The following NOS1AP variants were observed in gnomAD, a reference collection of about 807,000 sequenced individuals.
NOS1AP encodes nitric oxide synthase 1 adaptor protein.
In NOS1AP, 21 loss-of-function variants were observed where a neutral mutation model predicts 56.2. The ratio of observed to expected loss-of-function variants is 0.37; its 90% CI spans 0.26 to 0.54. The LOEUF is 0.54. Ranked by LOEUF, NOS1AP falls within the 20% of genes least tolerant of loss-of-function variation. The pLI is 0.84. For missense variants in NOS1AP, 522 were observed against 657.8 expected (o/e 0.79, Z 2.26); for synonymous variants, 270 against 274.6 (o/e 0.98, Z 0.17).
intron 3 of NOS1AP, among the ~76,000 whole-genome samples, chr1:162,294,610 TA>T (rs1010170715): frequency 2.6e-5 from 4 of 152,112 alleles, no homozygotes; most frequent in Non-Finnish European, 1.5e-5. Context: ...CGCTGACTTT[TA>T]AAAATACCCT....
intron 2 of NOS1AP, among the ~76,000 whole-genome samples, chr1:162,285,940 C>G (rs908230484): frequency 1.3e-5 from 2 of 152,182 alleles, no homozygotes; most frequent in African/African-American, 4.8e-5. Context: ...AGAAGGATCT[C>G]TTACCTCAGT....
intron 2 of NOS1AP, among the ~76,000 whole-genome samples, chr1:162,284,293 T>C (rs1655023042): frequency 6.6e-6 from 1 of 152,258 alleles, no homozygotes; most frequent in Non-Finnish European, 1.5e-5. Flanking sequence ...TTTATTTTCC[T>C]AGTTTCCAAC....
At chr1:162,263,728 A>G (rs865962386) in intron 2 of NOS1AP, among the ~76,000 whole-genome samples, 1 of 152,162 alleles carries the variant, frequency 6.6e-6, no homozygotes, top group African/African-American at 2.4e-5. Flanking sequence ...TTCTAATTAT[A>G]TGCCCACTGC....
intron 4 of NOS1AP, 85 bp downstream of exon 4, chr1:162,300,791 C>T (rs1655625002): frequency 2.6e-6 from 3 of 1,168,774 alleles, no homozygotes; most frequent in African/African-American, 1.5e-5. Flanking sequence ...CTGGTGGATC[C>T]AGGCAAATTT....
intron 2 of NOS1AP, among the ~76,000 whole-genome samples, chr1:162,285,702 G>A (rs1019437712): frequency 4.6e-5 from 7 of 152,228 alleles, no homozygotes; most frequent in Middle Eastern, 3.4e-3. Flanking sequence ...GTTGGCCTGG[G>A]GTTCCTGGGC....
intron 4 of NOS1AP, among the ~76,000 whole-genome samples, chr1:162,308,959 T>TA (rs1051194219): frequency 6.6e-6 from 1 of 152,242 alleles, no homozygotes; most frequent in African/African-American, 2.4e-5. Flanking sequence ...GCTGCATGGT[T>TA]AGAGAGCTGT....
At chr1:162,312,216 C>T (rs1656058674) in intron 4 of NOS1AP, among the ~76,000 whole-genome samples, 3 of 143,238 alleles carry the variant, frequency 2.1e-5, no homozygotes. Flanking sequence ...AAAAGTGTTC[C>T]TATTTCTCCA....
chr1:162,357,779 G>T (rs946922550), intron 8 of NOS1AP, among the ~76,000 whole-genome samples: 1 of 151,970 alleles, frequency 6.6e-6, no homozygotes, highest in Non-Finnish European at 1.5e-5. Flanking sequence ...CAAAAAACTT[G>T]TTCGGGGGCT....
At chr1:162,181,369 A>C (rs1184244752) in intron 2 of NOS1AP, among the ~76,000 whole-genome samples, 2 of 152,242 alleles carry the variant, frequency 1.3e-5, no homozygotes, top group Admixed American at 6.5e-5. Context: ...TCATGTTATT[A>C]TGTAGTGATG....
intron 6 of NOS1AP, among the ~76,000 whole-genome samples, chr1:162,347,141 A>C (rs560746934): frequency 1.5e-4 from 23 of 152,234 alleles, no homozygotes; most frequent in African/African-American, 5.3e-4. Context: ...ACAGAAACCA[A>C]TCTGCTCATT....
At chr1:162,306,336 T>C (rs1254339204) in intron 4 of NOS1AP, among the ~76,000 whole-genome samples, 1 of 152,190 alleles carries the variant, frequency 6.6e-6, no homozygotes, top group African/African-American at 2.4e-5. Context: ...GAGAGCTTGA[T>C]GCCAAGCTAG....
intron 4 of NOS1AP, among the ~76,000 whole-genome samples, chr1:162,325,203 G>C (rs1323705802): frequency 6.6e-6 from 1 of 152,130 alleles, no homozygotes; most frequent in Non-Finnish European, 1.5e-5. Flanking sequence ...TACAGTGGGG[G>C]GAAAATGATA....
intron 3 of NOS1AP, among the ~76,000 whole-genome samples, chr1:162,291,463 T>C (rs574109075): frequency 6.6e-6 from 1 of 152,244 alleles, no homozygotes; most frequent in South Asian, 2.1e-4. Context: ...TCCCTCTTTT[T>C]CTTCCTGTCA....
chr1:162,305,052 A>G (rs1655778085), intron 4 of NOS1AP, among the ~76,000 whole-genome samples: 1 of 152,148 alleles, frequency 6.6e-6, no homozygotes, highest in African/African-American at 2.4e-5. Context: ...TTAATTTTTT[A>G]TTAAGTCAAA....
intron 2 of NOS1AP, among the ~76,000 whole-genome samples, chr1:162,159,671 T>C (rs1279767698): frequency 6.6e-6 from 1 of 152,176 alleles, no homozygotes; most frequent in Non-Finnish European, 1.5e-5. Context: ...AGAGCAACTG[T>C]ATTCCCAACA....
intron 2 of NOS1AP, among the ~76,000 whole-genome samples, chr1:162,170,529 T>G (rs536224015): frequency 1.2e-4 from 18 of 152,070 alleles, no homozygotes; most frequent in African/African-American, 4.1e-4. Context: ...AGTTAAGAGA[T>G]ATAGGGGAGC....
At chr1:162,336,925 G>T (rs964938673) in intron 5 of NOS1AP, among the ~76,000 whole-genome samples, 16 of 152,230 alleles carry the variant, frequency 1.1e-4, no homozygotes, top group African/African-American at 3.9e-4. Flanking sequence ...AGGAGGGATG[G>T]GAGTGGGTCT....
rs369980996 is a variant in NOS1AP at position 162,152,711 on chromosome 1, G to T, written c.106-1694G>T. On this transcript the variant is annotated intron_variant, in intron 1 of 9. Transcript: ENST00000361897. ...CTGCTTGCCAGCTGTGTTCTTCAGT[G>T]TATTAGCACAAACTGTTGATCAATA... Among the ~76,000 whole-genome samples the T allele has an allele frequency of 2.6e-3, 389 of 152,354 alleles. 1 individual carries two copies. The highest frequency in any genetic ancestry group is 9.9e-3 in the Admixed American group (152 of 15,306).
At chr1:162,313,908 T>G (rs78511795) in intron 4 of NOS1AP, among the ~76,000 whole-genome samples, 1,542 of 152,226 alleles carry the variant, frequency 0.01, 40 homozygotes, top group African/African-American at 0.035. Context: ...TCCTGAAACA[T>G]GGAAATTTGT....
Sources: gnomAD v4.1 joint callset for allele counts (sites outside exome capture counted in the v4.1 genomes callset) on GRCh38, gnomAD v4.1.1 for gene constraint, MANE v1.5 for transcripts, NCBI Gene and HGNC (gene_info 2026-07-23, HGNC 2026-07-21) for gene names.